AOAH: variants seen among roughly 807,000 people sequenced by gnomAD.
The protein encoded by AOAH is acyloxyacyl hydrolase.
A neutral mutation model predicts 92.2 loss-of-function variants in AOAH; 64 were observed. The ratio of observed to expected loss-of-function variants is 0.69; its 90% CI spans 0.57 to 0.86. The LOEUF is 0.86. AOAH is among the 40% of genes least tolerant of loss of function. The pLI is 0.00. For synonymous variants in AOAH, 263 were observed against 254.5 expected, an observed-to-expected ratio of 1.03 and a Z score of -0.32; for missense variants, 656 against 694.6, an observed-to-expected ratio of 0.94 and a Z score of 0.62.
chr7:36,614,612 A>G lies in AOAH; in HGVS notation c.846+1768T>C, dbSNP rs1791726049. On this transcript the variant is annotated intron_variant, in intron 11 of 20. Coordinates refer to ENST00000617537, the MANE Select transcript of AOAH (RefSeq NM_001637.4). This position sits in a 1 kb window ranked among gnomAD's most constrained non-coding sequence, Gnocchi z 4.2. ...CTCCTTCTTGCCCTGCGACTGCTGC[A>G]CCCTCCAACAAAGTGGCAATTAAAT... is the stretch of plus-strand genomic sequence containing the variant. Among the ~76,000 whole-genome samples, 1 of 152,000 alleles carries G rather than the reference A, an allele frequency of 6.6e-6. No individual in the cohort carries two copies. The highest frequency in any genetic ancestry group is 2.1e-4 in the South Asian group (1 of 4,826).
rs7779585 is a variant in AOAH at position 36,718,095 on chromosome 7, T to C, written c.127+5927A>G. 9.7e-3 allele frequency among the ~76,000 whole-genome samples: 1,482 copies of C among 152,176 alleles called. 26 individuals carry two copies. The highest frequency in any genetic ancestry group is 0.034 in the African/African-American group (1,407 of 41,524). On this transcript the variant is annotated intron_variant, in intron 1 of 20. Transcript: ENST00000617537. ...ACGTCTATCTAGAATATATGGAGAATTTTTGCAATTCAACAATAAAAAGAC... is the reference window on the plus strand; with the variant it reads ...ACGTCTATCTAGAATATATGGAGAACTTTTGCAATTCAACAATAAAAAGAC...
At chr7:36,552,910 T>C (rs1050437863) in intron 13 of AOAH, among the ~76,000 whole-genome samples, 3 of 152,212 alleles carry the variant, frequency 2.0e-5, no homozygotes, top group Non-Finnish European at 4.4e-5. Context: ...GATTTAGTTC[T>C]TTTTATGGCT....
Position 36,719,283 on chromosome 7 carries a change from G to C in AOAH, c.127+4739C>G, listed in dbSNP as rs140252758. Among the ~76,000 whole-genome samples, 789 of 152,272 alleles carry C rather than the reference G, an allele frequency of 5.2e-3. 7 individuals are homozygous for C. The highest frequency in any genetic ancestry group is 0.022 in the South Asian group (104 of 4,820). On this transcript the variant is annotated intron_variant, in intron 1 of 20. Transcript: ENST00000617537. The stretch of plus-strand genomic sequence containing the variant: ...TAATTTGTGTGGCTGAAGAGCACTT[G>C]GCTGTAGTGACTTTCTCCAGGCATC...
chr7:36,635,332 T>C (rs1165437441), intron 5 of AOAH, among the ~76,000 whole-genome samples: 1 of 152,132 alleles, frequency 6.6e-6, no homozygotes, highest in East Asian at 1.9e-4. Flanking sequence ...TGCACCAGGA[T>C]GTCAAATGAA....
At chr7:36,515,875 C>T (rs1713399977) in intron 20 of AOAH, among the ~76,000 whole-genome samples, 1 of 134,502 alleles carries the variant, frequency 7.4e-6, no homozygotes, top group South Asian at 2.6e-4. Context: ...ACACCACACA[C>T]ACCACACACC....
chr7:36,582,980 G>A (rs1457346061), intron 12 of AOAH, among the ~76,000 whole-genome samples: 1 of 152,096 alleles, frequency 6.6e-6, no homozygotes, highest in Non-Finnish European at 1.5e-5. Context: ...GAGTAGCTGG[G>A]ATTATAAGCG....
intron 5 of AOAH, among the ~76,000 whole-genome samples, chr7:36,635,733 G>A (rs767797934): frequency 2.0e-5 from 3 of 152,302 alleles, no homozygotes; most frequent in Non-Finnish European, 4.4e-5. Flanking sequence ...GGTACTGAAC[G>A]TGGAGATAGC....
chr7:36,548,416 C>G (rs1248084951), intron 15 of AOAH, among the ~76,000 whole-genome samples, 196 bp downstream of exon 15: 1 of 152,128 alleles, frequency 6.6e-6, no homozygotes, highest in Non-Finnish European at 1.5e-5. Context: ...CAACTCCTGA[C>G]CTCAGGTGAT....
At chr7:36,575,614 T>TA (rs1163460582) in intron 13 of AOAH, among the ~76,000 whole-genome samples, 2 of 152,174 alleles carry the variant, frequency 1.3e-5, no homozygotes, top group African/African-American at 4.8e-5. Context: ...GAAATAAACA[T>TA]AAAGTGTTCT....
chr7:36,651,039 C>T (rs1463735383), intron 4 of AOAH, among the ~76,000 whole-genome samples: 2 of 152,136 alleles, frequency 1.3e-5, no homozygotes, highest in African/African-American at 2.4e-5. Flanking sequence ...CTGACGCAGG[C>T]GAGGTGGAGT....
In AOAH at chr7:36,614,597, C is replaced by T. The variant is rs1583947461; in HGVS notation, c.846+1783G>A. On this transcript the variant is annotated intron_variant, in intron 11 of 20. Transcript: ENST00000617537. This position sits in a 1 kb window ranked among gnomAD's most constrained non-coding sequence, Gnocchi z 4.2. Reference sequence around the variant, plus strand: ...TCCCCAGCCTGTCTTCTCCTTCTTGCCCTGCGACTGCTGCACCCTCCAACA... The same window carrying T: ...TCCCCAGCCTGTCTTCTCCTTCTTGTCCTGCGACTGCTGCACCCTCCAACA... Among the ~76,000 whole-genome samples the T allele has an allele frequency of 6.6e-6, 1 of 152,152 alleles. No individual in the cohort carries two copies. Among genetic ancestry groups the T allele is most frequent in the Non-Finnish European group, 1.5e-5 (1 of 68,042 alleles).
In AOAH at chr7:36,516,661, C is replaced by A. The variant is rs1362926208; in HGVS notation, c.1600-3281G>T. Reference sequence around the variant, plus strand: ...GCCCGGGCTTGTGGCTGTTTTCCTGCCATTTCTCAACAAAGGAGGCTGCTG... The same window carrying A: ...GCCCGGGCTTGTGGCTGTTTTCCTGACATTTCTCAACAAAGGAGGCTGCTG... On this transcript the variant is annotated intron_variant, in intron 20 of 20. Transcript: ENST00000617537. This position sits in a 1 kb window ranked among gnomAD's most constrained non-coding sequence, Gnocchi z 5.0. 1.3e-5 allele frequency among the ~76,000 whole-genome samples: 2 copies of A among 152,170 alleles called. No homozygotes were observed. The highest frequency in any genetic ancestry group is 2.4e-5 in the African/African-American group (1 of 41,434).
intron 1 of AOAH, among the ~76,000 whole-genome samples, chr7:36,698,519 A>G (rs552724657): frequency 3.3e-5 from 5 of 152,132 alleles, no homozygotes; most frequent in African/African-American, 9.6e-5. Context: ...GTGGAAACAT[A>G]TTATTAATTT....
chr7:36,521,242 T>G (rs942836510), intron 20 of AOAH, among the ~76,000 whole-genome samples: 1 of 152,196 alleles, frequency 6.6e-6, no homozygotes, highest in Non-Finnish European at 1.5e-5. Flanking sequence ...GCTCTAGTGA[T>G]GTGGTATTGC....
rs57628897 is a variant in AOAH, at chr7:36,523,629, GTTT to G, written c.1523-1517_1523-1515del. Among the ~76,000 whole-genome samples, 200 of 100,138 alleles carry G rather than the reference GTTT, an allele frequency of 2.0e-3. 1 individual carries two copies. The highest frequency in any genetic ancestry group is 7.3e-3 in the African/African-American group (180 of 24,690). The allele number at this position is 100,138 out of a possible 152,430, so 65.7% of individuals were successfully genotyped here. On this transcript the variant is annotated intron_variant, in intron 19 of 20. Coordinates refer to ENST00000617537, the MANE Select transcript of AOAH (RefSeq NM_001637.4). The stretch of plus-strand genomic sequence containing the variant: ...TCAGTTTGCCTGGCCTGTTTTGCCT[GTTT>G]TTTTTTTTTTTTTTTTTGGCATGTC...
chr7:36,566,591 TG>T (rs1340244766), intron 13 of AOAH, among the ~76,000 whole-genome samples: 2 of 152,012 alleles, frequency 1.3e-5, no homozygotes, highest in Non-Finnish European at 2.9e-5. Context: ...AAATAATAAT[TG>T]GTCACAGCCA....
intron 1 of AOAH, among the ~76,000 whole-genome samples, chr7:36,703,969 C>T (rs7778994): frequency 0.17 from 26,559 of 152,100 alleles, 2,822 homozygotes; most frequent in East Asian, 0.33. Flanking sequence ...TCTCCAGCAT[C>T]GGTTGTTTCC....
Position 36,621,794 on chromosome 7 carries a change from G to A in AOAH, c.583-14C>T. ...GCCCCGCAGTGTCTGAAATTGAAGA[G>A]CACACACAGGAGGGGTTCAGCCTGC... On this transcript the variant is annotated splice_polypyrimidine_tract_variant and intron_variant, in intron 7 of 20. Coordinates refer to ENST00000617537, the MANE Select transcript of AOAH (RefSeq NM_001637.4). The A allele has an allele frequency of 6.2e-7, 1 of 1,613,662 alleles. No homozygotes were observed. The highest frequency in any genetic ancestry group is 2.2e-5 in the East Asian group (1 of 44,878).
At chr7:36,539,008 G>C (rs942668211) in intron 16 of AOAH, among the ~76,000 whole-genome samples, 1 of 152,196 alleles carries the variant, frequency 6.6e-6, no homozygotes, top group Non-Finnish European at 1.5e-5. Context: ...TTTCCCAGGT[G>C]GGGAGAGGCG....
Sources: gnomAD v4.1 joint callset for allele counts (sites outside exome capture counted in the v4.1 genomes callset) on GRCh38, gnomAD v4.1.1 for gene constraint, Gnocchi (gnomAD v3.1) non-coding constraint, MANE v1.5 for transcripts, NCBI Gene and HGNC (gene_info 2026-07-23, HGNC 2026-07-21) for gene names.